DENND2B: variants seen among roughly 807,000 people sequenced by gnomAD.
The protein encoded by DENND2B is DENN domain containing 2B.
DENND2B carries 32 observed loss-of-function variants against 116.0 expected under a neutral mutation model. The ratio of observed to expected loss-of-function variants is 0.28; its 90% CI spans 0.21 to 0.37. DENND2B has a LOEUF of 0.37. Among genes scored for constraint, DENND2B ranks in the 10% least tolerant of loss-of-function variants. The pLI is 1.00. For synonymous variants in DENND2B, 588 were observed against 583.9 expected (o/e 1.01, Z -0.10); for missense variants, 1,276 against 1,477.7 (o/e 0.86, Z 2.24).
At chr11:8,738,795 G>A (rs1434101758) in intron 2 of DENND2B, among the ~76,000 whole-genome samples, 1 of 152,142 alleles carries the variant, frequency 6.6e-6, no homozygotes, top group Non-Finnish European at 1.5e-5. Context: ...CCATGAGCTG[G>A]TCCCTGCCTA....
At chr11:8,695,672 T>C (rs2040229116) in intron 18 of DENND2B, 123 bp from the exon 19 acceptor site, 1 of 807,018 alleles carries the variant, frequency 1.2e-6, no homozygotes. Flanking sequence ...TCTGGGATGA[T>C]AATTTGCAGG....
In DENND2B at chr11:8,759,550, TG is replaced by T. The variant is rs1317981326; in HGVS notation, c.-25-8826del. Among the ~76,000 whole-genome samples, 3 of 152,272 alleles carry T rather than the reference TG, an allele frequency of 2.0e-5. No homozygotes were observed. In the East Asian group the frequency reaches 5.8e-4, roughly 29 times the overall value. On this transcript the variant is annotated intron_variant, in intron 1 of 19. Transcript: ENST00000313726. ...ACTCTCCTAAGCAATTCTGCTCACG[TG>T]GAAGTCAAAGTTTAGGCAGCAGCCT...
At chr11:8,890,249 C>T (rs959757693) in intron 1 of DENND2B, among the ~76,000 whole-genome samples, 5 of 152,116 alleles carry the variant, frequency 3.3e-5, no homozygotes, top group Non-Finnish European at 7.4e-5. Context: ...TGTACGTCAC[C>T]ATCATCAAAG....
At chr11:8,827,470 T>G (rs1367361545) in intron 4 of DENND2B, among the ~76,000 whole-genome samples, 3 of 152,220 alleles carry the variant, frequency 2.0e-5, no homozygotes, top group Non-Finnish European at 4.4e-5. Flanking sequence ...GCAGACAGCC[T>G]CTGCCATCAG....
At chr11:8,893,434 A>G (rs1242440293) in intron 1 of DENND2B, among the ~76,000 whole-genome samples, 1 of 152,212 alleles carries the variant, frequency 6.6e-6, no homozygotes, top group African/African-American at 2.4e-5. Flanking sequence ...ATGGTATTCA[A>G]TTAGGAAAAG....
chr11:8,696,134 G>A (rs2040316936), intron 18 of DENND2B: 1 of 431,442 alleles, frequency 2.3e-6, no homozygotes, highest in Non-Finnish European at 4.2e-6. Flanking sequence ...CTGGATAGAA[G>A]GGCTTTCTCC....
At chr11:8,713,094 C>T (rs570693192) in intron 8 of DENND2B, among the ~76,000 whole-genome samples, 1 of 93,218 alleles carries the variant, frequency 1.1e-5, no homozygotes, top group East Asian at 3.8e-4. Flanking sequence ...TCCTTGGGCC[C>T]CTAGCAGGAC....
At chr11:8,771,391 AGT>A (rs146509652) in intron 1 of DENND2B, among the ~76,000 whole-genome samples, 96 of 151,130 alleles carry the variant, frequency 6.4e-4, no homozygotes, top group African/African-American at 1.7e-3. Flanking sequence ...AGGGGCTGTG[AGT>A]GTGTGTGTGT....
chr11:8,740,320 C>A (rs1288235362), intron 2 of DENND2B, among the ~76,000 whole-genome samples: 1 of 152,164 alleles, frequency 6.6e-6, no homozygotes. Context: ...CTCACAGGAA[C>A]ACGCCCCAAT....
chr11:8,717,800 C>T lies in DENND2B; in HGVS notation c.1570G>A (p.Asp524Asn). The part of the protein sequence containing the change: ...KSQQLSENSL[D>N]SLHRMWSPQD... ...GGACTCCACATCCTGTGCAAAGAGTCCAAGGAGTTCTCAGACAGTTGCTGG... is the reference window on the plus strand; with the variant it reads ...GGACTCCACATCCTGTGCAAAGAGTTCAAGGAGTTCTCAGACAGTTGCTGG... Residue 524 changes from aspartate to asparagine, a missense_variant, in exon 5 of 20, where the codon GAC (aspartate) becomes AAC (asparagine). Physicochemically the swap from Asp to Asn is conservative, Grantham distance 23. This residue lies in a region of DENND2B where 856 missense variants were observed against 846.6 expected (regional missense o/e 1.01). Transcript: ENST00000313726. The T allele has an allele frequency of 3.1e-6, 5 of 1,612,620 alleles. No homozygotes were observed. Among genetic ancestry groups the T allele is most frequent in the Non-Finnish European group, 4.2e-6 (5 of 1,179,070 alleles).
intron 2 of DENND2B, among the ~76,000 whole-genome samples, chr11:8,749,796 T>G (rs1252018926): frequency 6.6e-6 from 1 of 152,210 alleles, no homozygotes; most frequent in Non-Finnish European, 1.5e-5. Flanking sequence ...CCACCTGACA[T>G]TCAGCAGAAA....
chr11:8,733,228 G>A (rs1380859714), intron 2 of DENND2B, among the ~76,000 whole-genome samples: 1 of 152,142 alleles, frequency 6.6e-6, no homozygotes, highest in Non-Finnish European at 1.5e-5. Context: ...TGAGGCGGGG[G>A]GAGATCCCAA....
At chr11:8,825,773 G>T (rs951557569) in intron 4 of DENND2B, among the ~76,000 whole-genome samples, 2 of 152,078 alleles carry the variant, frequency 1.3e-5, no homozygotes, top group Admixed American at 1.3e-4. Context: ...CAAGACAACA[G>T]GATAAAGATG....
chr11:8,853,858 T>C (rs1594247795), intron 3 of DENND2B, among the ~76,000 whole-genome samples: 3 of 152,030 alleles, frequency 2.0e-5, no homozygotes, highest in Admixed American at 2.0e-4. Context: ...TTTTTAATTT[T>C]TTTTTTTAGA....
intron 5 of DENND2B, among the ~76,000 whole-genome samples, chr11:8,717,342 T>C (rs1441145245): frequency 1.3e-5 from 2 of 152,092 alleles, no homozygotes; most frequent in Non-Finnish European, 2.9e-5. Flanking sequence ...TCTGGCAGAG[T>C]TGCAGAATGC....
At chr11:8,701,105 A>C (rs1436606764) in intron 14 of DENND2B, among the ~76,000 whole-genome samples, 1 of 152,156 alleles carries the variant, frequency 6.6e-6, no homozygotes, top group African/African-American at 2.4e-5. Context: ...AGCAGCTCAA[A>C]AATGTTTCTT....
chr11:8,762,603 G>A (rs186970635), intron 1 of DENND2B, among the ~76,000 whole-genome samples: 6 of 152,388 alleles, frequency 3.9e-5, no homozygotes, highest in South Asian at 4.1e-4. Flanking sequence ...GCTCATGCCT[G>A]TAATCCCAGC....
intron 4 of DENND2B, among the ~76,000 whole-genome samples, chr11:8,837,646 G>A (rs2436176): frequency 0.02 from 3,108 of 152,176 alleles, 79 homozygotes; most frequent in East Asian, 0.082. Context: ...ACATCCAGCC[G>A]TTTCCCTTTA....
chr11:8,743,640 G>A (rs2050671347), intron 2 of DENND2B, among the ~76,000 whole-genome samples: 1 of 152,040 alleles, frequency 6.6e-6, no homozygotes, highest in South Asian at 2.1e-4. Context: ...CTTATGAGTG[G>A]GTCCTGTAAA....
Sources: gnomAD v4.1 joint callset for allele counts (sites outside exome capture counted in the v4.1 genomes callset) on GRCh38, gnomAD v4.1.1 for gene constraint, gnomAD v4.1.1 regional missense constraint, MANE v1.5 for transcripts, NCBI Gene and HGNC (gene_info 2026-07-23, HGNC 2026-07-21) for gene names.